Variants in TMEM236 observed in about 807,000 individuals in gnomAD.
TMEM236 encodes the protein family with sequence similarity 23, member A.
A neutral mutation model predicts 14.7 loss-of-function variants in TMEM236; 11 were observed. The ratio of observed to expected loss-of-function variants is 0.75; its 90% CI spans 0.47 to 1.24. The LOEUF (loss-of-function observed/expected upper bound fraction) is 1.24, where lower values mean the gene tolerates loss of function less well. Ranked by LOEUF, TMEM236 falls within the 50% of genes most tolerant of loss-of-function variation. The pLI, the probability that TMEM236 is intolerant of heterozygous loss-of-function variation, is 0.00. For synonymous variants in TMEM236, 182 were observed against 168.6 expected (o/e 1.08, Z -0.62); for missense variants, 464 against 427.3 (o/e 1.09, Z -0.76).
chr10:17,773,355 A>G (rs1238963847), intron 2 of TMEM236, among the ~76,000 whole-genome samples: 11 of 152,170 alleles, frequency 7.2e-5, no homozygotes, highest in African/African-American at 2.6e-4. Context: ...TTTTTTGGAG[A>G]CAGAGTCTTT....
intron 1 of TMEM236, among the ~76,000 whole-genome samples, chr10:17,762,622 C>CAT (rs1412035744): frequency 0.11 from 7,789 of 72,398 alleles, 1,080 homozygotes; most frequent in East Asian, 0.2. Context: ...TATATATACA[C>CAT]ACATACATAT....
intron 3 of TMEM236, among the ~76,000 whole-genome samples, chr10:17,781,488 AGCACTTT>A (rs1430276213): frequency 6.6e-6 from 1 of 152,024 alleles, no homozygotes; most frequent in African/African-American, 2.4e-5. Flanking sequence ...CTGTAATCCC[AGCACTTT>A]GTGGGGCTGA....
intron 3 of TMEM236, among the ~76,000 whole-genome samples, chr10:17,789,804 G>A (rs1837894071): frequency 6.6e-6 from 1 of 152,128 alleles, no homozygotes; most frequent in East Asian, 1.9e-4. Context: ...GGAGGATCCC[G>A]AGGTCAGGAG....
chr10:17,766,955 T>A (rs1470991018), intron 1 of TMEM236, among the ~76,000 whole-genome samples: 1 of 152,132 alleles, frequency 6.6e-6, no homozygotes, highest in African/African-American at 2.4e-5. Flanking sequence ...TTCTTCACAG[T>A]CTTCCCTCTG....
chr10:17,774,432 C>G (rs1241732257), intron 2 of TMEM236, among the ~76,000 whole-genome samples: 1 of 152,144 alleles, frequency 6.6e-6, no homozygotes, highest in African/African-American at 2.4e-5. Flanking sequence ...ATATGTTGTA[C>G]AGCAGTGAGT....
intron 3 of TMEM236, among the ~76,000 whole-genome samples, chr10:17,792,340 A>C (rs918880799): frequency 6.6e-5 from 10 of 152,190 alleles, no homozygotes. Context: ...CCCCTGTTTC[A>C]GCCTCCCAAA....
chr10:17,754,028 A>C (rs1039637508), intron 1 of TMEM236, among the ~76,000 whole-genome samples: 1 of 152,192 alleles, frequency 6.6e-6, no homozygotes, highest in Non-Finnish European at 1.5e-5. Context: ...AGTCATTTAT[A>C]CTGAGTGATA....
At chr10:17,753,841 T>G (rs1837244754) in intron 1 of TMEM236, among the ~76,000 whole-genome samples, 1 of 152,214 alleles carries the variant, frequency 6.6e-6, no homozygotes, top group Non-Finnish European at 1.5e-5. Flanking sequence ...TCCACAATGG[T>G]TAAACTAATT....
intron 2 of TMEM236, among the ~76,000 whole-genome samples, chr10:17,774,025 A>ATTTT (rs1321279549): frequency 1.5e-4 from 6 of 40,776 alleles, no homozygotes; most frequent in African/African-American, 4.9e-4. Flanking sequence ...TCATATATAT[A>ATTTT]TATTTTTGTT....
intron 3 of TMEM236, among the ~76,000 whole-genome samples, chr10:17,794,092 CTAAT>C (rs1282697102): frequency 4.6e-5 from 7 of 152,206 alleles, no homozygotes; most frequent in East Asian, 3.9e-4. Flanking sequence ...AACTTTAAAA[CTAAT>C]TAGTTACTTG....
Position 17,799,251 on chromosome 10 carries a change from A to G in TMEM236, c.*2747A>G, listed in dbSNP as rs1295234942. 1.3e-5 allele frequency: 2 copies of G among 156,460 alleles called. No homozygotes were observed. The highest frequency in any genetic ancestry group is 2.4e-5 in the African/African-American group (1 of 41,450). The allele number at this position is 156,460 out of a possible 1,614,324, so 9.7% of individuals were successfully genotyped here. On this transcript the variant is annotated 3_prime_UTR_variant, in exon 4 of 4. Transcript: ENST00000377495. The stretch of plus-strand genomic sequence containing the variant: ...CTGAGGGCATCTTGTTTAACAATGC[A>G]TCTCTCTCTTCATCAATCAACGCTG...
rs1224806048 is a variant in TMEM236 at position 17,797,788 on chromosome 10, GTGT to G, written c.*1289_*1291del. The G allele has an allele frequency of 6.6e-6, 1 of 152,086 alleles. No individual in the cohort carries two copies. The highest frequency in any genetic ancestry group is 2.4e-5 in the African/African-American group (1 of 41,404). The allele number at this position is 152,086 out of a possible 1,614,324, so 9.4% of individuals were successfully genotyped here. ...TGCCAGTACTGAAGTACTAATATGA[GTGT>G]TGTTTAGTATAATGAAGTCAAGGTA... On this transcript the variant is annotated 3_prime_UTR_variant, in exon 4 of 4. Transcript: ENST00000377495.
intron 2 of TMEM236, among the ~76,000 whole-genome samples, chr10:17,772,910 T>C (rs1239158510): frequency 6.6e-6 from 1 of 152,242 alleles, no homozygotes; most frequent in Non-Finnish European, 1.5e-5. Context: ...TTGTCTGTTT[T>C]TGAAATTTTT....
At chr10:17,793,194 T>C (rs1837954283) in intron 3 of TMEM236, among the ~76,000 whole-genome samples, 1 of 152,190 alleles carries the variant, frequency 6.6e-6, no homozygotes, top group African/African-American at 2.4e-5. Context: ...CAGCTAAGAA[T>C]TCATTGTTCA....
rs888746889 is a variant in TMEM236 at position 17,797,178 on chromosome 10, A to C, written c.*674A>C. On this transcript the variant is annotated 3_prime_UTR_variant, in exon 4 of 4. Coordinates refer to ENST00000377495, the MANE Select transcript of TMEM236 (RefSeq NM_001098844.3). Reference sequence around the variant, plus strand: ...TAAAAAACTAAGAACCTTTTCCATCAAGTTAGCCCAAGAATAAGATTTTTA... The same window carrying C: ...TAAAAAACTAAGAACCTTTTCCATCCAGTTAGCCCAAGAATAAGATTTTTA... 6.9e-3 allele frequency: 1,057 copies of C among 152,500 alleles called. 11 individuals carry two copies. Among genetic ancestry groups the C allele is most frequent in the South Asian group, 0.037 (177 of 4,832 alleles). 9.4% of individuals were successfully genotyped at this position (152,500 alleles called of 1,614,324 possible). A position where few individuals can be genotyped will look rare whatever the true frequency, so the allele number is the denominator to read the frequency against.
intron 1 of TMEM236, among the ~76,000 whole-genome samples, chr10:17,761,305 C>T (rs1837358729): frequency 6.6e-6 from 1 of 152,150 alleles, no homozygotes; most frequent in Admixed American, 6.6e-5. Flanking sequence ...TGGGCTCTGG[C>T]AACCTTCACC....
intron 2 of TMEM236, among the ~76,000 whole-genome samples, chr10:17,773,599 A>G (rs1012261081): frequency 4.6e-5 from 7 of 152,128 alleles, no homozygotes; most frequent in Non-Finnish European, 1.0e-4. Flanking sequence ...CGGCCTCCCA[A>G]AATGCTGAGA....
chr10:17,780,996 T>C (rs2131757020), intron 3 of TMEM236, among the ~76,000 whole-genome samples: 1 of 152,310 alleles, frequency 6.6e-6, no homozygotes, highest in African/African-American at 2.4e-5. Context: ...AATCTTATTA[T>C]GCAAATGGAC....
chr10:17,762,588 T>TAC (rs1837384867), intron 1 of TMEM236, among the ~76,000 whole-genome samples: 1 of 67,184 alleles, frequency 1.5e-5, no homozygotes, highest in Non-Finnish European at 2.4e-5. Context: ...TATATATATA[T>TAC]ATATATATAT....
Sources: allele counts gnomAD v4.1 joint callset (sites outside exome capture counted in the v4.1 genomes callset), GRCh38; gene constraint gnomAD v4.1.1; transcripts MANE v1.5; gene names NCBI Gene and HGNC (gene_info 2026-07-23, HGNC 2026-07-21).